XKR4: variants seen among roughly 807,000 people sequenced by gnomAD.
XKR4 encodes XK related 4, also known as XK-related protein 4.
A neutral mutation model predicts 53.9 loss-of-function variants in XKR4; 12 were observed. The ratio of observed to expected loss-of-function variants is 0.22; its 90% confidence interval spans 0.14 to 0.36. The LOEUF (loss-of-function observed/expected upper bound fraction) is 0.36, where lower values mean the gene tolerates loss of function less well. Ranked by LOEUF, XKR4 falls within the 10% of genes least tolerant of loss-of-function variation. The probability of loss-of-function intolerance (pLI) is 1.00; values close to 1 mark genes in which losing one functional copy is unlikely to be tolerated. For synonymous variants in XKR4, 354 were observed against 362.4 expected (o/e 0.98, Z 0.26); for missense variants, 799 against 859.5 (o/e 0.93, Z 0.88).
intron 1 of XKR4, among the ~76,000 whole-genome samples, chr8:55,231,383 T>C (rs1028177314): frequency 6.6e-6 from 1 of 152,244 alleles, no homozygotes; most frequent in Non-Finnish European, 1.5e-5. Context: ...CATATTATAA[T>C]AGAATATCTG....
chr8:55,242,907 G>T (rs1329942686), intron 1 of XKR4, among the ~76,000 whole-genome samples: 1 of 152,186 alleles, frequency 6.6e-6, no homozygotes, highest in Non-Finnish European at 1.5e-5. Flanking sequence ...ATAAATAATG[G>T]CACATCTGAG....
rs148657722 is a variant in XKR4 at position 55,354,965 on chromosome 8, A to G, written c.807-2713A>G. 2.6e-4 allele frequency among the ~76,000 whole-genome samples: 40 copies of G among 151,088 alleles called. No homozygotes were observed. In the East Asian group the frequency reaches 7.2e-3, roughly 27 times the overall value. ...GTTGCCCAGGATGGAGCGCAATGAC[A>G]TGATCTCGGCTCACTGCAACCTCCG... On this transcript the variant is annotated intron_variant, in intron 1 of 2. Transcript: ENST00000327381.
rs545350863 is a variant in XKR4, at chr8:55,338,494, G to A, written c.807-19184G>A. Among the ~76,000 whole-genome samples the A allele has an allele frequency of 6.6e-5, 10 of 152,310 alleles. No individual in the cohort carries two copies. In the South Asian group the frequency reaches 1.9e-3, roughly 28 times the overall value. On this transcript the variant is annotated intron_variant, in intron 1 of 2. Transcript: ENST00000327381. ...ACACATGGAGACAGGATAGAGGGGG[G>A]CATTTATCCAATAACTCCTCCCATC...
chr8:55,527,433 C>T lies in XKR4; in HGVS notation c.*3206C>T, dbSNP rs945225779. 6.6e-6 allele frequency: 1 copy of T among 152,092 alleles called. No individual in the cohort carries two copies. The highest frequency in any genetic ancestry group is 2.1e-4 in the South Asian group (1 of 4,828). The allele number at this position is 152,092 out of a possible 1,614,324, so 9.4% of individuals were successfully genotyped here. ...AGGATCAGGAAATTTTCTAAAGGAACAACATTGTAATTTGTTTTACTTTTA... is the reference window on the plus strand; with the variant it reads ...AGGATCAGGAAATTTTCTAAAGGAATAACATTGTAATTTGTTTTACTTTTA... On this transcript the variant is annotated 3_prime_UTR_variant, in exon 3 of 3. Transcript: ENST00000327381.
chr8:55,435,937 C>T (rs1047674608), intron 2 of XKR4, among the ~76,000 whole-genome samples: 1 of 152,142 alleles, frequency 6.6e-6, no homozygotes, highest in Non-Finnish European at 1.5e-5. Context: ...AGTGTTCCAT[C>T]TGAAGACGGA....
At chr8:55,461,196 C>T (rs772583078) in intron 2 of XKR4, among the ~76,000 whole-genome samples, 53 of 152,204 alleles carry the variant, frequency 3.5e-4, no homozygotes, top group Non-Finnish European at 4.9e-4. Context: ...TCCCTGAACC[C>T]GGAGTAGCCT....
chr8:55,431,038 A>T (rs1216999799), intron 2 of XKR4, among the ~76,000 whole-genome samples: 2 of 152,198 alleles, frequency 1.3e-5, no homozygotes, highest in Non-Finnish European at 2.9e-5. Flanking sequence ...ATCTCTCCAT[A>T]TTATTTCTTA....
At chr8:55,266,089 T>G (rs1415467489) in intron 1 of XKR4, among the ~76,000 whole-genome samples, 2 of 151,424 alleles carry the variant, frequency 1.3e-5, no homozygotes, top group Admixed American at 6.6e-5. Flanking sequence ...GCCTGGGAGG[T>G]TGAGGTTGCA....
At chr8:55,452,850 C>G in intron 2 of XKR4, 3 of 769,496 alleles carry the variant, frequency 3.9e-6, no homozygotes, top group Non-Finnish European at 7.1e-6. Context: ...CTGAAGCAGG[C>G]GGCTCTTGCT....
chr8:55,523,605 G>T lies in XKR4; in HGVS notation c.1331G>T (p.Ser444Ile). 1 of 1,614,164 alleles carries T rather than the reference G, an allele frequency of 6.2e-7. No individual in the cohort carries two copies. The highest frequency in any genetic ancestry group is 8.5e-7 in the Non-Finnish European group (1 of 1,180,022). ...GTGGTGGGGATTATCTATATCTTCA[G>T]TTGGTTCAATGTCAAGGAAGGCAGG... ...DMVVGIIYIFSWFNVKEGRTR... is the reference protein window; with the variant it reads ...DMVVGIIYIFIWFNVKEGRTR... Residue 444 changes from serine (S) to isoleucine (I), a missense_variant, in exon 3 of 3, where the codon AGT becomes ATT. Physicochemically the swap from Ser to Ile is moderately radical, Grantham distance 142. Around this residue, in one of 3 missense-constraint regions of XKR4, gnomAD observed 269 missense variants for 264.4 expected, o/e 1.02. Transcript: ENST00000327381.
At chr8:55,173,760 T>C (rs1817194316) in intron 1 of XKR4, among the ~76,000 whole-genome samples, 1 of 152,198 alleles carries the variant, frequency 6.6e-6, no homozygotes, top group South Asian at 2.1e-4. Flanking sequence ...TGTCCTACAC[T>C]GCATTTCTTA....
intron 2 of XKR4, among the ~76,000 whole-genome samples, chr8:55,476,313 T>C: frequency 6.6e-6 from 1 of 152,024 alleles, no homozygotes; most frequent in Non-Finnish European, 1.5e-5. Context: ...TAGGAAGCAG[T>C]ACCTGGGAAG....
intron 1 of XKR4, among the ~76,000 whole-genome samples, chr8:55,328,125 G>A (rs1333699755): frequency 6.6e-6 from 1 of 152,138 alleles, no homozygotes; most frequent in African/African-American, 2.4e-5. Flanking sequence ...CAAGAGAACA[G>A]CATGGGGGAA....
In XKR4 at chr8:55,530,751, T is replaced by C. The variant is rs1468182931; in HGVS notation, c.*6524T>C. Reference sequence around the variant, plus strand: ...AGAAGTCACTGATTTTTATAGGAAATAGCATGTAAAATAAATCTAAGTATT... The same window carrying C: ...AGAAGTCACTGATTTTTATAGGAAACAGCATGTAAAATAAATCTAAGTATT... On this transcript the variant is annotated 3_prime_UTR_variant, in exon 3 of 3. Coordinates refer to ENST00000327381, the MANE Select transcript of XKR4 (RefSeq NM_052898.2). 1.3e-5 allele frequency: 2 copies of C among 152,212 alleles called. No individual in the cohort carries two copies. The highest frequency in any genetic ancestry group is 4.8e-5 in the African/African-American group (2 of 41,466). The allele number at this position is 152,212 out of a possible 1,614,324, so 9.4% of individuals were successfully genotyped here.
rs185168695 is a variant in XKR4, at chr8:55,194,058, C to A, written c.806+90764C>A. On this transcript the variant is annotated intron_variant, in intron 1 of 2. Coordinates refer to ENST00000327381, the MANE Select transcript of XKR4 (RefSeq NM_052898.2). ...GTCCCCCTCCTGTCCACCTTTCAGT[C>A]TGTGCCCCAGGCAGTGGTCAGGGCC... is the stretch of plus-strand genomic sequence containing the variant. Among the ~76,000 whole-genome samples, 711 of 152,328 alleles carry A rather than the reference C, an allele frequency of 4.7e-3. 8 individuals are homozygous for A. The highest frequency in any genetic ancestry group is 0.016 in the African/African-American group (662 of 41,580).
chr8:55,289,847 A>AGAAG (rs1223093124), intron 1 of XKR4, among the ~76,000 whole-genome samples: 5 of 114,560 alleles, frequency 4.4e-5, no homozygotes, highest in African/African-American at 1.5e-4. Context: ...AGAGAAAGAA[A>AGAAG]GAAGGAAAGA....
intron 1 of XKR4, among the ~76,000 whole-genome samples, chr8:55,133,176 A>C (rs1212454945): frequency 6.6e-6 from 1 of 152,222 alleles, no homozygotes. Context: ...TTAATGGAAA[A>C]CAGCCACAAA....
At chr8:55,270,475 G>T (rs186149933) in intron 1 of XKR4, among the ~76,000 whole-genome samples, 1 of 152,188 alleles carries the variant, frequency 6.6e-6, no homozygotes, top group African/African-American at 2.4e-5. Flanking sequence ...CAGCTCTGGA[G>T]TGTTGATCAC....
chr8:55,203,129 C>T (rs1032096948), intron 1 of XKR4, among the ~76,000 whole-genome samples: 7 of 152,232 alleles, frequency 4.6e-5, no homozygotes, highest in Non-Finnish European at 1.0e-4. Context: ...AAATGACAGA[C>T]ATGTGTGCCC....
Sources: allele counts gnomAD v4.1 joint callset (sites outside exome capture counted in the v4.1 genomes callset), GRCh38; gene constraint gnomAD v4.1.1; regional missense constraint gnomAD v4.1.1; transcripts MANE v1.5; gene names NCBI Gene and HGNC (gene_info 2026-07-23, HGNC 2026-07-21).